The following ITPRID1 variants were observed in gnomAD, a reference collection of about 807,000 sequenced individuals.
The protein encoded by ITPRID1 is protein ITPRID1.
Under a neutral mutation model 95.4 loss-of-function variants are expected in ITPRID1, and 96 were observed. The observed-to-expected ratio is 1.01, with a 90% CI of 0.85 to 1.19. ITPRID1 has a LOEUF of 1.19. ITPRID1 is among the 50% of genes most tolerant of loss of function. ITPRID1 has a pLI of 0.00. For missense variants in ITPRID1, 1,339 were observed against 1,252.9 expected (o/e 1.07, Z -1.04); for synonymous variants, 510 against 453.6 (o/e 1.12, Z -1.58).
intron 10 of ITPRID1, among the ~76,000 whole-genome samples, chr7:31,634,921 C>T (rs954442465): frequency 5.3e-5 from 8 of 152,130 alleles, no homozygotes; most frequent in South Asian, 2.1e-4. Context: ...GGCAATGAGA[C>T]GTCTCAAGTT....
chr7:31,571,917 C>T (rs936366324), intron 6 of ITPRID1, among the ~76,000 whole-genome samples, 185 bp from the exon 7 acceptor site: 8 of 152,160 alleles, frequency 5.3e-5, no homozygotes, highest in East Asian at 1.9e-4. Flanking sequence ...TATAATACAA[C>T]GCTCTTGAAA....
At chr7:31,547,866 A>T (rs1784151789) in intron 1 of ITPRID1, among the ~76,000 whole-genome samples, 1 of 151,684 alleles carries the variant, frequency 6.6e-6, no homozygotes, top group Non-Finnish European at 1.5e-5. Context: ...GGAAATGTTA[A>T]GTAAGTGGGA....
At chr7:31,599,520 T>C (rs905584126) in intron 10 of ITPRID1, among the ~76,000 whole-genome samples, 2 of 152,196 alleles carry the variant, frequency 1.3e-5, no homozygotes, top group African/African-American at 4.8e-5. Context: ...GAAGTAATTA[T>C]GGCAAAATGT....
rs1165143532 is a variant in ITPRID1, at chr7:31,577,863, G to A, written c.599G>A (p.Gly200Asp). The change falls in exon 9 of 15, where the codon GGT (glycine) becomes GAT (aspartate). Residue 200 changes from glycine to aspartate, a missense_variant and splice_region_variant. By Grantham distance (94) the Gly-to-Asp change is moderately conservative. Transcript: ENST00000615280. ...CTTTCGTGTTTCTTGTGTTGTGCAG[G>A]TCGTTTCCGACAGCTGGAAATCCTG... is the stretch of plus-strand genomic sequence containing the variant. ...RMDIENPNLYGRFRQLEILDH... is the reference protein window; with the variant it reads ...RMDIENPNLYDRFRQLEILDH... 6.9e-6 allele frequency: 11 copies of A among 1,584,260 alleles called. No individual in the cohort carries two copies. Among genetic ancestry groups the A allele is most frequent in the Admixed American group, 5.4e-5 (3 of 55,356 alleles).
chr7:31,641,225 G>A (rs1292773220), intron 10 of ITPRID1, among the ~76,000 whole-genome samples: 2 of 152,198 alleles, frequency 1.3e-5, no homozygotes, highest in East Asian at 3.9e-4. Flanking sequence ...TTCGTCAGCA[G>A]TTGTTCAAGC....
intron 10 of ITPRID1, among the ~76,000 whole-genome samples, chr7:31,636,195 CAT>C (rs1274224240): frequency 6.6e-6 from 1 of 152,110 alleles, no homozygotes; most frequent in Non-Finnish European, 1.5e-5. Context: ...CCTCCCATGA[CAT>C]GTGGGGATTA....
chr7:31,531,415 T>C (rs1166261590), intron 1 of ITPRID1, among the ~76,000 whole-genome samples: 1 of 152,128 alleles, frequency 6.6e-6, no homozygotes. Context: ...AAGGAGCATA[T>C]GAGGAAGTGT....
At position 31,519,578 on chromosome 7, in the gene ITPRID1, A is replaced by ATCTCTCTCTCTCTC. The variant is rs72374972; in HGVS notation, c.-98+5488_-98+5501dup. ...ATGCATATATGGTTCTATTTCTGGT[A>ATCTCTCTCTCTCTC]TCTCTCTCTCTCTCTCTCTCTCTCT... On this transcript the variant is annotated intron_variant, in intron 1 of 14. Transcript: ENST00000615280. 1.1e-3 allele frequency among the ~76,000 whole-genome samples: 43 copies of ATCTCTCTCTCTCTC among 37,468 alleles called. 2 individuals carry two copies. Among genetic ancestry groups the ATCTCTCTCTCTCTC allele is most frequent in the Admixed American group, 2.2e-3 (5 of 2,308 alleles). 24.6% of individuals were successfully genotyped at this position (37,468 alleles called of 152,430 possible). A position where few individuals can be genotyped will look rare whatever the true frequency, so the allele number is the denominator to read the frequency against.
At chr7:31,603,854 A>G (rs924120989) in intron 10 of ITPRID1, among the ~76,000 whole-genome samples, 3 of 151,924 alleles carry the variant, frequency 2.0e-5, no homozygotes, top group South Asian at 2.1e-4. Flanking sequence ...CTCCTTTTTC[A>G]TATGTCAAAA....
At chr7:31,610,326 A>G (rs1786811768) in intron 10 of ITPRID1, among the ~76,000 whole-genome samples, 2 of 151,772 alleles carry the variant, frequency 1.3e-5, no homozygotes, top group Non-Finnish European at 3.0e-5. Flanking sequence ...AAAATGACAT[A>G]CTAGAAAATA....
chr7:31,566,464 G>A (rs1280129491), intron 5 of ITPRID1, among the ~76,000 whole-genome samples: 3 of 152,164 alleles, frequency 2.0e-5, no homozygotes, highest in Admixed American at 1.3e-4. Context: ...CAATGTTTTA[G>A]GTGAAAATGG....
intron 10 of ITPRID1, among the ~76,000 whole-genome samples, chr7:31,633,018 C>G (rs1789156760): frequency 6.6e-6 from 1 of 152,042 alleles, no homozygotes. Context: ...TCCCGAGTAA[C>G]TGGGATTACA....
intron 10 of ITPRID1, among the ~76,000 whole-genome samples, chr7:31,634,912 G>A (rs752617445): frequency 1.4e-4 from 21 of 152,142 alleles, no homozygotes; most frequent in Non-Finnish European, 2.4e-4. Flanking sequence ...GCCACTGAGG[G>A]CAATGAGACG....
intron 1 of ITPRID1, among the ~76,000 whole-genome samples, chr7:31,545,371 C>T (rs1221320189): frequency 1.3e-5 from 2 of 151,874 alleles, no homozygotes; most frequent in Admixed American, 6.6e-5. Flanking sequence ...ACCTTTCACT[C>T]CCCCTCCTCA....
chr7:31,531,107 C>T (rs1783584254), intron 1 of ITPRID1, among the ~76,000 whole-genome samples: 1 of 152,198 alleles, frequency 6.6e-6, no homozygotes, highest in Non-Finnish European at 1.5e-5. Flanking sequence ...GAGCTGGGTG[C>T]AGAGCTGCTC....
chr7:31,622,882 G>A (rs1037864960), intron 10 of ITPRID1, among the ~76,000 whole-genome samples: 21 of 152,200 alleles, frequency 1.4e-4, no homozygotes, highest in African/African-American at 5.1e-4. Context: ...AAGAAGAAAA[G>A]AGAAGACTCA....
At chr7:31,517,671 C>A (rs577148594) in intron 1 of ITPRID1, 1 of 152,822 alleles carries the variant, frequency 6.5e-6, no homozygotes, top group South Asian at 2.1e-4. Flanking sequence ...TGCGCAGCCC[C>A]GGCTGCCGCC....
intron 1 of ITPRID1, among the ~76,000 whole-genome samples, chr7:31,535,507 T>G (rs1318421293): frequency 2.6e-5 from 4 of 152,012 alleles, no homozygotes; most frequent in East Asian, 3.8e-4. Context: ...TATGTGTGTG[T>G]GGGTATATTC....
At chr7:31,535,092 A>G (rs1271392628) in intron 1 of ITPRID1, among the ~76,000 whole-genome samples, 1 of 152,128 alleles carries the variant, frequency 6.6e-6, no homozygotes, top group African/African-American at 2.4e-5. Context: ...CAACCAAGGA[A>G]CTGAATATTT....
Sources: gnomAD v4.1 joint callset for allele counts (sites outside exome capture counted in the v4.1 genomes callset) on GRCh38, gnomAD v4.1.1 for gene constraint, MANE v1.5 for transcripts, NCBI Gene and HGNC (gene_info 2026-07-23, HGNC 2026-07-21) for gene names.